The following BLOC1S3 variants were observed in gnomAD, a reference collection of about 807,000 sequenced individuals.
The protein encoded by BLOC1S3 is biogenesis of lysosome-related organelles complex 1 subunit 3.
A neutral mutation model predicts 9.1 loss-of-function variants in BLOC1S3; 7 were observed. That is an observed-to-expected ratio of 0.77 (90% CI 0.44 to 1.45). The LOEUF (loss-of-function observed/expected upper bound fraction) is 1.45, where lower values mean the gene tolerates loss of function less well. Ranked by LOEUF, BLOC1S3 falls within the 40% of genes most tolerant of loss-of-function variation. The pLI, the probability that BLOC1S3 is intolerant of heterozygous loss-of-function variation, is 0.01. For synonymous variants in BLOC1S3, 145 were observed against 158.4 expected (o/e 0.92, Z 0.64); for missense variants, 307 against 315.2 (o/e 0.97, Z 0.20).
intron 2 of BLOC1S3, among the ~76,000 whole-genome samples, chr19:45,199,418 C>A (rs1969673132): frequency 6.9e-6 from 1 of 145,650 alleles, no homozygotes. Context: ...CGGGTTCAAG[C>A]AATTCCCCTG....
chr19:45,179,427 C>T lies in BLOC1S3; in HGVS notation c.131C>T (p.Ser44Leu). Reference sequence around the variant, plus strand: ...GAGGAGGAGCTGTACCTGGGTCCTTCGGGCCCGACGCGCGGCCGCCCCACG... The same window carrying T: ...GAGGAGGAGCTGTACCTGGGTCCTTTGGGCCCGACGCGCGGCCGCCCCACG... ...SEEEELYLGP[S>L]GPTRGRPTGL... Residue 44 changes from serine to leucine, a missense_variant, in exon 2 of 2, where the codon TCG becomes TTG. Physicochemically the swap from Ser to Leu is moderately radical, Grantham distance 145. Transcript: ENST00000433642. The surrounding 1 kb of genome is among the most constrained non-coding windows in gnomAD (Gnocchi z 4.6). 1 of 1,534,042 alleles carries T rather than the reference C, an allele frequency of 6.5e-7. No individual in the cohort carries two copies. The highest frequency in any genetic ancestry group is 8.7e-7 in the Non-Finnish European group (1 of 1,147,276).
In BLOC1S3 at chr19:45,181,299, A is replaced by G. The variant is rs1244629138; in HGVS notation, c.*1394A>G. 2 of 167,078 alleles carry G rather than the reference A, an allele frequency of 1.2e-5. No individual in the cohort carries two copies. The highest frequency in any genetic ancestry group is 2.9e-5 in the Non-Finnish European group (2 of 68,206). 10.3% of individuals were successfully genotyped at this position (167,078 alleles called of 1,614,324 possible). A position where few individuals can be genotyped will look rare whatever the true frequency, so the allele number is the denominator to read the frequency against. On this transcript the variant is annotated 3_prime_UTR_variant, in exon 2 of 2. Transcript: ENST00000433642. ...CCAAAATGATGGCCCCTCTTAACCC[A>G]AGGCAGGGGATCTTCCTCCCAACTC...
intron 2 of BLOC1S3, among the ~76,000 whole-genome samples, chr19:45,196,907 A>AAAC (rs1969652746): frequency 6.6e-6 from 1 of 151,242 alleles, no homozygotes; most frequent in Non-Finnish European, 1.5e-5. Flanking sequence ...TCAAAAAAAA[A>AAAC]AAAAATCAAT....
chr19:45,198,440 C>T (rs1004406588), intron 2 of BLOC1S3, among the ~76,000 whole-genome samples: 25 of 150,692 alleles, frequency 1.7e-4, no homozygotes, highest in African/African-American at 5.9e-4. Flanking sequence ...TACAGGCACC[C>T]GCCACCACGC....
downstream of BLOC1S3, among the ~76,000 whole-genome samples, chr19:45,184,904 A>C (rs1371327377): frequency 5.0e-5 from 3 of 59,760 alleles, no homozygotes; most frequent in African/African-American, 9.0e-5. Context: ...TGTCTCAAAC[A>C]AAAAAAAAAA....
chr19:45,194,932 C>CTTTT lies in BLOC1S3; in HGVS notation n.180+7205_180+7208dup, dbSNP rs112584333. On this transcript the variant is annotated intron_variant and non_coding_transcript_variant, in intron 2 of 3. Coordinates refer to the BLOC1S3 transcript ENST00000591569. ...TGTGAACTCTGGTATGTGTGTTATA[C>CTTTT]TTTTTTTTTTTTTTTTGAGATGGAG... Among the ~76,000 whole-genome samples, 7 of 140,186 alleles carry CTTTT rather than the reference C, an allele frequency of 5.0e-5. 1 individual carries two copies. Among genetic ancestry groups the CTTTT allele is most frequent in the Non-Finnish European group, 6.2e-5 (4 of 64,366 alleles). The allele number at this position is 140,186 out of a possible 152,430, so 92.0% of individuals were successfully genotyped here. A position where few individuals can be genotyped will look rare whatever the true frequency, so the allele number is the denominator to read the frequency against.
At chr19:45,184,870 G>A (rs1969554108), downstream of BLOC1S3, among the ~76,000 whole-genome samples, 1 of 137,308 alleles carries the variant, frequency 7.3e-6, no homozygotes, top group Non-Finnish European at 1.5e-5. Context: ...ACTGCAGTCT[G>A]GCCTGGGTGA....
intron 2 of BLOC1S3, among the ~76,000 whole-genome samples, chr19:45,201,378 G>A (rs1969689478): frequency 2.0e-5 from 3 of 152,096 alleles, no homozygotes; most frequent in South Asian, 4.1e-4. Flanking sequence ...GGTGACACAA[G>A]TACCCTTGTG....
In BLOC1S3 at chr19:45,179,689, C is replaced by A; in HGVS notation, c.393C>A (p.Val131=). 6.8e-7 allele frequency: 1 copy of A among 1,466,660 alleles called. No individual in the cohort carries two copies. The highest frequency in any genetic ancestry group is 1.3e-5 in the South Asian group (1 of 76,620). 90.9% of individuals were successfully genotyped at this position (1,466,660 alleles called of 1,614,324 possible). ...DHDVAAAVSG[V]YRRAGRDVAA... Reference sequence around the variant, plus strand: ...ACGTGGCGGCCGCCGTGAGCGGTGTCTACCGCCGTGCAGGCCGCGACGTGG... The same window carrying A: ...ACGTGGCGGCCGCCGTGAGCGGTGTATACCGCCGTGCAGGCCGCGACGTGG... Residue 131 remains valine, a synonymous_variant, in exon 2 of 2, where the codon GTC becomes GTA. Coordinates refer to ENST00000433642, the MANE Select transcript of BLOC1S3 (RefSeq NM_212550.5). The surrounding 1 kb of genome is among the most constrained non-coding windows in gnomAD (Gnocchi z 4.6).
At chr19:45,191,044 A>G (rs971994835) in intron 2 of BLOC1S3, among the ~76,000 whole-genome samples, 6 of 151,040 alleles carry the variant, frequency 4.0e-5, no homozygotes, top group African/African-American at 7.3e-5. Flanking sequence ...TGACCTCACG[A>G]TCCGCCCGCC....
chr19:45,193,628 T>C (rs1024338393), intron 2 of BLOC1S3, among the ~76,000 whole-genome samples: 3 of 151,640 alleles, frequency 2.0e-5, no homozygotes, highest in Non-Finnish European at 4.4e-5. Context: ...TGGAGTATTA[T>C]AATATGTTAA....
intron 2 of BLOC1S3, among the ~76,000 whole-genome samples, chr19:45,199,505 G>C (rs1327189780): frequency 6.6e-6 from 1 of 151,424 alleles, no homozygotes; most frequent in Non-Finnish European, 1.5e-5. Context: ...TGGTAGAGAT[G>C]GGGTTTCACC....
intron 3 of BLOC1S3, among the ~76,000 whole-genome samples, chr19:45,212,303 C>T (rs971663969): frequency 6.6e-6 from 1 of 152,230 alleles, no homozygotes; most frequent in Non-Finnish European, 1.5e-5. Context: ...GTGTGAGAAG[C>T]CACTGGCCCG....
chr19:45,199,034 C>T (rs899944501), intron 2 of BLOC1S3: 1 of 152,088 alleles, frequency 6.6e-6, no homozygotes, highest in Non-Finnish European at 1.5e-5. Context: ...TGTTACTTTT[C>T]TCTTGCTGCT....
At chr19:45,182,714 C>G (rs780283279), downstream of BLOC1S3, among the ~76,000 whole-genome samples, 4 of 152,050 alleles carry the variant, frequency 2.6e-5, no homozygotes, top group Non-Finnish European at 1.5e-5. Flanking sequence ...GACGAGCTCT[C>G]ACAATGTTGC....
intron 3 of BLOC1S3, among the ~76,000 whole-genome samples, chr19:45,209,607 G>A (rs1296453451): frequency 6.6e-6 from 1 of 151,774 alleles, no homozygotes; most frequent in Non-Finnish European, 1.5e-5. Context: ...ATTTTTAGTA[G>A]AGACGAGGTT....
chr19:45,216,126 C>T lies in BLOC1S3; in HGVS notation n.283-550C>T, dbSNP rs890869883. On this transcript the variant is annotated intron_variant and non_coding_transcript_variant, in intron 3 of 3. Transcript: ENST00000591569. ...CTCCCACCTCCACCTGGATGCTGGG[C>T]GTGTCTTCCAGCTGCATGACTTCAG... is the stretch of plus-strand genomic sequence containing the variant. 9 of 1,613,874 alleles carry T rather than the reference C, an allele frequency of 5.6e-6. No homozygotes were observed. The East Asian group carries it at 1.3e-4, about 24-fold the overall frequency.
intron 3 of BLOC1S3, among the ~76,000 whole-genome samples, chr19:45,215,262 G>T (rs1969820927): frequency 1.3e-5 from 2 of 152,164 alleles, no homozygotes; most frequent in South Asian, 4.1e-4. Context: ...CTTGAGCCCA[G>T]AAGTTCGAGA....
intron 3 of BLOC1S3, chr19:45,215,954 C>G: frequency 7.1e-7 from 1 of 1,413,708 alleles, no homozygotes; most frequent in Non-Finnish European, 9.5e-7. Flanking sequence ...AGGAAACGGC[C>G]GTCAGACACG....
Sources: allele counts gnomAD v4.1 joint callset (sites outside exome capture counted in the v4.1 genomes callset), GRCh38; gene constraint gnomAD v4.1.1; non-coding constraint Gnocchi (gnomAD v3.1); transcripts MANE v1.5; gene names NCBI Gene and HGNC (gene_info 2026-07-23, HGNC 2026-07-21).